The following SERPINI1 variants were observed in gnomAD, a reference collection of about 807,000 sequenced individuals.
SERPINI1 encodes serpin family I member 1, also known as neuroserpin.
SERPINI1 carries 19 observed loss-of-function variants against 41.1 expected under a neutral mutation model. The ratio of observed to expected loss-of-function variants is 0.46; its 90% CI spans 0.32 to 0.68. SERPINI1 has a LOEUF of 0.68. SERPINI1 is among the 30% of genes least tolerant of loss of function. The pLI is 0.03. For missense variants in SERPINI1, 460 were observed against 479.2 expected, an observed-to-expected ratio of 0.96 and a Z score of 0.37; for synonymous variants, 138 against 156.6, an observed-to-expected ratio of 0.88 and a Z score of 0.89.
rs543428194 is a variant in SERPINI1, at chr3:167,801,513, C to T, written c.882-5731C>T. 3.9e-5 allele frequency among the ~76,000 whole-genome samples: 6 copies of T among 152,082 alleles called. No individual in the cohort carries two copies. In the South Asian group the frequency reaches 1.2e-3, roughly 32 times the overall value. ...TGTCAGAAAGACCTCCATTCATATC[C>T]TCATTCTACCACCTATTATCTGTGT... On this transcript the variant is annotated intron_variant, in intron 5 of 8. Coordinates refer to ENST00000446050, the MANE Select transcript of SERPINI1 (RefSeq NM_001122752.2).
rs1726962244 is a variant in SERPINI1 at position 167,776,089 on chromosome 3, AGTAG to A, written c.-18-13020_-18-13017del. ...CCACTGTCTAGGGAAGAGATCAAACAGTAGGGATTTCTTAAAGCATTAATGGGTA... is the reference window on the plus strand; with the variant it reads ...CCACTGTCTAGGGAAGAGATCAAACAGGATTTCTTAAAGCATTAATGGGTA... On this transcript the variant is annotated intron_variant, in intron 1 of 8. Coordinates refer to ENST00000446050, the MANE Select transcript of SERPINI1 (RefSeq NM_001122752.2). Among the ~76,000 whole-genome samples, 5 of 152,362 alleles carry A rather than the reference AGTAG, an allele frequency of 3.3e-5. No individual in the cohort carries two copies. The South Asian group carries it at 1.0e-3, about 32-fold the overall frequency.
chr3:167,793,588 A>AT (rs1174484525), intron 4 of SERPINI1, among the ~76,000 whole-genome samples: 12 of 106,616 alleles, frequency 1.1e-4, no homozygotes, highest in African/African-American at 5.0e-4. Context: ...ATATATATAT[A>AT]TATATATATT....
At chr3:167,783,985 GC>G (rs1490339382) in intron 1 of SERPINI1, among the ~76,000 whole-genome samples, 4 of 152,178 alleles carry the variant, frequency 2.6e-5, no homozygotes, top group African/African-American at 7.2e-5. Flanking sequence ...GTGGCCTGCT[GC>G]CCACTGCCCT....
chr3:167,757,571 G>A (rs115176262), intron 1 of SERPINI1, among the ~76,000 whole-genome samples: 1,938 of 152,028 alleles, frequency 0.013, 22 homozygotes, highest in Non-Finnish European at 0.018. Context: ...CATTGAACTT[G>A]TAATCATACT....
intron 3 of SERPINI1, among the ~76,000 whole-genome samples, chr3:167,792,215 C>T (rs1489277745): frequency 1.3e-5 from 2 of 152,024 alleles, no homozygotes; most frequent in African/African-American, 4.8e-5. Flanking sequence ...ATCATTGCAA[C>T]TAGAAAGTGA....
chr3:167,769,379 A>G (rs1179052646), intron 1 of SERPINI1, among the ~76,000 whole-genome samples: 1 of 152,206 alleles, frequency 6.6e-6, no homozygotes, highest in African/African-American at 2.4e-5. Context: ...AAAATTAAAC[A>G]TTCTAGGGTA....
At chr3:167,738,668 T>G (rs1316938358) in intron 1 of SERPINI1, among the ~76,000 whole-genome samples, 1 of 151,862 alleles carries the variant, frequency 6.6e-6, no homozygotes, top group Non-Finnish European at 1.5e-5. Context: ...AATTGAATAT[T>G]CAAAATCCAA....
At chr3:167,743,349 T>A (rs879352758) in intron 1 of SERPINI1, among the ~76,000 whole-genome samples, 1 of 152,188 alleles carries the variant, frequency 6.6e-6, no homozygotes, top group East Asian at 1.9e-4. Context: ...GACACTTTGA[T>A]ACTCATGGTT....
At chr3:167,772,864 C>CTCTCTCTATATATATA (rs1374013676) in intron 1 of SERPINI1, among the ~76,000 whole-genome samples, 29 of 24,578 alleles carry the variant, frequency 1.2e-3, no homozygotes, top group Admixed American at 3.2e-3. Flanking sequence ...CTCTCTCTCT[C>CTCTCTCTATATATATA]TATATATATA....
At chr3:167,800,315 C>T (rs1050357297) in intron 5 of SERPINI1, among the ~76,000 whole-genome samples, 17 of 152,082 alleles carry the variant, frequency 1.1e-4, no homozygotes, top group South Asian at 4.1e-4. Context: ...TCTGCTACAG[C>T]GTAAGCATTA....
chr3:167,741,058 TGAA>T (rs2108528720), intron 1 of SERPINI1, among the ~76,000 whole-genome samples: 1 of 152,334 alleles, frequency 6.6e-6, no homozygotes, highest in South Asian at 2.1e-4. Context: ...TGAGCCATCA[TGAA>T]GAACGAATGA....
At chr3:167,764,261 G>A (rs905697773) in intron 1 of SERPINI1, among the ~76,000 whole-genome samples, 1 of 151,980 alleles carries the variant, frequency 6.6e-6, no homozygotes, top group African/African-American at 2.4e-5. Flanking sequence ...CTATTTTCAC[G>A]CTGCTGATCA....
intron 1 of SERPINI1, among the ~76,000 whole-genome samples, chr3:167,754,174 G>A (rs754767401): frequency 6.6e-6 from 1 of 152,098 alleles, no homozygotes; most frequent in Non-Finnish European, 1.5e-5. Flanking sequence ...TGGTTAATTA[G>A]GCATGAAATC....
intron 1 of SERPINI1, among the ~76,000 whole-genome samples, chr3:167,738,057 A>G (rs555610544): frequency 1.2e-4 from 19 of 152,292 alleles, no homozygotes; most frequent in African/African-American, 4.6e-4. Flanking sequence ...TAATATTCAC[A>G]TTCAATCTCA....
chr3:167,776,943 A>G (rs148603814), intron 1 of SERPINI1, among the ~76,000 whole-genome samples: 2 of 152,236 alleles, frequency 1.3e-5, no homozygotes, highest in African/African-American at 4.8e-5. Context: ...TCCTTGACCT[A>G]CTTGGTCCAG....
intron 5 of SERPINI1, among the ~76,000 whole-genome samples, chr3:167,801,964 TA>T (rs1560013133): frequency 6.6e-6 from 1 of 152,094 alleles, no homozygotes. Flanking sequence ...CCCTCAGAAA[TA>T]ATGCCGCATA....
At chr3:167,746,994 GCATTATT>G (rs1725880225) in intron 1 of SERPINI1, among the ~76,000 whole-genome samples, 2 of 152,156 alleles carry the variant, frequency 1.3e-5, no homozygotes, top group African/African-American at 4.8e-5. Context: ...GTTCATAACA[GCATTATT>G]CATAAAAGTG....
intron 1 of SERPINI1, among the ~76,000 whole-genome samples, chr3:167,783,142 G>C (rs1268324687): frequency 6.6e-6 from 1 of 152,168 alleles, no homozygotes; most frequent in Admixed American, 6.5e-5. Flanking sequence ...CAGCAGTTCA[G>C]AGAGTGGCTG....
At chr3:167,819,925 C>T (rs1008426324) in intron 6 of SERPINI1, among the ~76,000 whole-genome samples, 4 of 152,228 alleles carry the variant, frequency 2.6e-5, no homozygotes, top group African/African-American at 9.6e-5. Flanking sequence ...TGTGCTCTTT[C>T]GAAAAATGTA....
Sources: allele counts gnomAD v4.1 joint callset (sites outside exome capture counted in the v4.1 genomes callset), GRCh38; gene constraint gnomAD v4.1.1; transcripts MANE v1.5; gene names NCBI Gene and HGNC (gene_info 2026-07-23, HGNC 2026-07-21).